LARGE1: variants seen among roughly 807,000 people sequenced by gnomAD.
LARGE1 encodes LARGE xylosyl- and glucuronyltransferase 1, also known as xylosyl- and glucuronyltransferase LARGE1.
LARGE1 carries 43 observed loss-of-function variants against 87.6 expected under a neutral mutation model. That is an observed-to-expected ratio of 0.49 (90% CI 0.38 to 0.63). The LOEUF (loss-of-function observed/expected upper bound fraction) is 0.63. LARGE1 is among the 30% of genes least tolerant of loss of function. The pLI, the probability that LARGE1 is intolerant of heterozygous loss-of-function variation, is 0.00. For missense variants in LARGE1, 802 were observed against 1,000.2 expected, an observed-to-expected ratio of 0.80 and a Z score of 2.67; for synonymous variants, 434 against 394.6, an observed-to-expected ratio of 1.10 and a Z score of -1.18.
chr22:33,396,463 C>CAGAGAGAGAGAGAGAGAGAGAGAGAGAG (rs3071529), intron 7 of LARGE1, among the ~76,000 whole-genome samples: 14 of 104,724 alleles, frequency 1.3e-4, no homozygotes, highest in African/African-American at 2.5e-4. Context: ...GAGAGAGTGA[C>CAGAGAGAGAGAGAGAGAGAGAGAGAGAG]AGAGAGAGAG....
intron 5 of LARGE1, among the ~76,000 whole-genome samples, chr22:33,576,672 A>G (rs2078361745): frequency 6.6e-6 from 1 of 152,112 alleles, no homozygotes; most frequent in South Asian, 2.1e-4. Flanking sequence ...TACCCTCTCT[A>G]TCTGTGGAGG....
chr22:33,527,577 C>T (rs935281609), intron 6 of LARGE1, among the ~76,000 whole-genome samples: 2 of 152,128 alleles, frequency 1.3e-5, no homozygotes, highest in Non-Finnish European at 2.9e-5. Flanking sequence ...CTGTCTTTCT[C>T]CTTGACATGC....
chr22:33,848,734 G>C (rs2063501642), intron 1 of LARGE1, among the ~76,000 whole-genome samples: 1 of 152,166 alleles, frequency 6.6e-6, no homozygotes, highest in Non-Finnish European at 1.5e-5. Context: ...AATTACTCAA[G>C]ACAAGACCCT....
At chr22:33,897,590 AG>A (rs1297023004) in intron 1 of LARGE1, among the ~76,000 whole-genome samples, 1 of 152,164 alleles carries the variant, frequency 6.6e-6, no homozygotes, top group Non-Finnish European at 1.5e-5. Flanking sequence ...GTGAAATCAG[AG>A]GGGGAATGCC....
At chr22:33,088,128 T>A in the LARGE1 span, among the ~76,000 whole-genome samples, 2 of 151,826 alleles carry the variant, frequency 1.3e-5, no homozygotes, top group African/African-American at 4.8e-5. Context: ...AACCCAGAAA[T>A]TAAGACCTAA....
intron 10 of LARGE1, among the ~76,000 whole-genome samples, chr22:33,324,030 G>A (rs1432421281): frequency 6.6e-6 from 1 of 151,762 alleles, no homozygotes; most frequent in African/African-American, 2.4e-5. Flanking sequence ...TCGGGAGTTC[G>A]AGACCAGCCT....
chr22:33,303,770 T>C (rs1193756515), intron 12 of LARGE1, among the ~76,000 whole-genome samples: 1 of 148,936 alleles, frequency 6.7e-6, no homozygotes, highest in African/African-American at 2.5e-5. Context: ...TACGGGCACA[T>C]GCCACCAAGC....
At chr22:33,477,784 C>T (rs1397335287) in intron 6 of LARGE1, among the ~76,000 whole-genome samples, 3 of 152,218 alleles carry the variant, frequency 2.0e-5, no homozygotes, top group Non-Finnish European at 2.9e-5. Flanking sequence ...TGGTCACCAT[C>T]AGTCTTTCGA....
At chr22:33,205,033 G>A (rs1568972864) in intron 11 of LARGE1, among the ~76,000 whole-genome samples, 1 of 139,584 alleles carries the variant, frequency 7.2e-6, no homozygotes. Context: ...GACATATTAG[G>A]TTGAAAAAAA....
intron 9 of LARGE1, among the ~76,000 whole-genome samples, chr22:33,366,733 C>T (rs1204309629): frequency 6.6e-6 from 1 of 152,186 alleles, no homozygotes; most frequent in South Asian, 2.1e-4. Flanking sequence ...GAGTCAATTA[C>T]ACCTCTTTCC....
rs1928804911 is a variant in LARGE1, at chr22:33,274,561, CG to C, written c.2136del (p.Phe712LeufsTer36). 6.2e-7 allele frequency: 1 copy of C among 1,613,844 alleles called. No homozygotes were observed. The highest frequency in any genetic ancestry group is 1.3e-5 in the African/African-American group (1 of 74,842). ...TTGTTGGAACGGAACTTGGTAATGT[CG>C]AAGCTGGGGGCATGAGGCATGTGGA... ...YMIHMPHAPSFDITKFRSNKQ... is the reference protein window; with the variant it reads ...YMIHMPHAPSXDITKFRSNKQ... On this transcript the variant is annotated frameshift_variant, in exon 15 of 15. Coordinates refer to ENST00000397394, the MANE Select transcript of LARGE1 (RefSeq NM_133642.5). LOFTEE classifies it high-confidence loss of function.
chr22:33,715,229 C>T (rs2082874225), intron 2 of LARGE1, among the ~76,000 whole-genome samples: 1 of 152,214 alleles, frequency 6.6e-6, no homozygotes, highest in African/African-American at 2.4e-5. Context: ...GCCTACAACC[C>T]AGAGTTACCT....
chr22:33,539,591 CTTT>C (rs201930031), intron 6 of LARGE1, among the ~76,000 whole-genome samples: 4 of 142,634 alleles, frequency 2.8e-5, no homozygotes, highest in Admixed American at 7.1e-5. Flanking sequence ...ATCCTCCAAA[CTTT>C]TTTTTTTTTT....
chr22:33,889,400 A>AT (rs2064946507), intron 1 of LARGE1, among the ~76,000 whole-genome samples: 1 of 152,210 alleles, frequency 6.6e-6, no homozygotes, highest in African/African-American at 2.4e-5. Context: ...AAGAAAGTGT[A>AT]TTTTTTGGAG....
chr22:33,820,072 C>T (rs1049091788), intron 1 of LARGE1, among the ~76,000 whole-genome samples: 1 of 152,122 alleles, frequency 6.6e-6, no homozygotes, highest in Non-Finnish European at 1.5e-5. Context: ...TCACTCACCC[C>T]ACATAGTTAC....
chr22:33,656,573 A>G (rs2080966826), intron 2 of LARGE1, among the ~76,000 whole-genome samples: 1 of 152,176 alleles, frequency 6.6e-6, no homozygotes, highest in African/African-American at 2.4e-5. Context: ...TAAAGGCAGA[A>G]GTGGATAGAA....
chr22:33,426,782 G>T (rs1440354679), intron 7 of LARGE1, among the ~76,000 whole-genome samples: 1 of 152,158 alleles, frequency 6.6e-6, no homozygotes, highest in Non-Finnish European at 1.5e-5. Flanking sequence ...GTCTCCATCT[G>T]CCTGTCTCTG....
chr22:33,311,835 A>C (rs537824183), intron 11 of LARGE1, among the ~76,000 whole-genome samples: 1 of 152,288 alleles, frequency 6.6e-6, no homozygotes, highest in Non-Finnish European at 1.5e-5. Flanking sequence ...ATTTACTCCT[A>C]AACAGGACCC....
At chr22:33,686,542 CAAAAAA>C (rs532082764) in intron 2 of LARGE1, among the ~76,000 whole-genome samples, 3 of 45,558 alleles carry the variant, frequency 6.6e-5, no homozygotes, top group Non-Finnish European at 8.2e-5. Flanking sequence ...GACTCCATCT[CAAAAAA>C]AAAAAAAAAA....
Sources: gnomAD v4.1 joint callset for allele counts (sites outside exome capture counted in the v4.1 genomes callset) on GRCh38, gnomAD v4.1.1 for gene constraint, MANE v1.5 for transcripts, NCBI Gene and HGNC (gene_info 2026-07-23, HGNC 2026-07-21) for gene names.